MBNL2: variants seen among roughly 807,000 people sequenced by gnomAD.
MBNL2 encodes muscleblind-like protein 2.
In MBNL2, 17 loss-of-function variants were observed where a neutral mutation model predicts 41.9. The observed-to-expected ratio is 0.41, with a 90% confidence interval of 0.28 to 0.61. The LOEUF (loss-of-function observed/expected upper bound fraction) is 0.61. Ranked by LOEUF, MBNL2 falls within the 20% of genes least tolerant of loss-of-function variation. MBNL2 has a pLI of 0.35. For missense variants in MBNL2, 336 were observed against 505.6 expected (o/e 0.66, Z 3.22); for synonymous variants, 195 against 182.9 (o/e 1.07, Z -0.53).
intron 1 of MBNL2, among the ~76,000 whole-genome samples, chr13:97,269,364 A>G (rs1398455374): frequency 6.6e-6 from 1 of 152,196 alleles, no homozygotes; most frequent in Non-Finnish European, 1.5e-5. Context: ...ATGCCGTTAT[A>G]CATGGAATCT....
the MBNL2 span, among the ~76,000 whole-genome samples, chr13:97,164,019 T>G: frequency 6.6e-6 from 1 of 152,180 alleles, no homozygotes; most frequent in Non-Finnish European, 1.5e-5. Flanking sequence ...ACTTTTTTCT[T>G]TTTCTGAAAC....
chr13:97,145,969 C>A, the MBNL2 span, among the ~76,000 whole-genome samples: 1 of 129,016 alleles, frequency 7.8e-6, no homozygotes, highest in Non-Finnish European at 1.5e-5. Flanking sequence ...CTTTTCTTTT[C>A]TTTTCTTTTC....
At position 97,391,424 on chromosome 13, in the gene MBNL2, T is replaced by C. The variant is rs1426449422; in HGVS notation, c.1151T>C (p.Ile384Thr). The change falls in exon 9 of 9, where the codon ATA becomes ACA. Residue 384 changes from isoleucine to threonine, a missense_variant. Transcript: ENST00000679496. The part of the protein sequence containing the change: ...YCTYYPVSSS[I>T]ELPQTAC ...ACATACTATCCTGTTTCCTCCTCAA[T>C]AGAATTGCCACAAACTGCATGCTAA... 8 of 1,465,494 alleles carry C rather than the reference T, an allele frequency of 5.5e-6. No homozygotes were observed. The East Asian group carries it at 9.1e-5, about 17-fold the overall frequency. 90.8% of individuals were successfully genotyped at this position (1,465,494 alleles called of 1,614,324 possible).
chr13:97,153,042 T>G, the MBNL2 span, among the ~76,000 whole-genome samples: 13 of 152,202 alleles, frequency 8.5e-5, no homozygotes, highest in African/African-American at 2.9e-4. Flanking sequence ...AGATTTACAT[T>G]TCTGGTAAAG....
chr13:97,187,394 C>G, the MBNL2 span, among the ~76,000 whole-genome samples: 1 of 151,586 alleles, frequency 6.6e-6, no homozygotes, highest in African/African-American at 2.4e-5. Context: ...CACTCAAAGG[C>G]TTTTGTCTGT....
At chr13:97,213,122 T>A in the MBNL2 span, among the ~76,000 whole-genome samples, 1 of 152,162 alleles carries the variant, frequency 6.6e-6, no homozygotes. Flanking sequence ...ATGCCTCAAG[T>A]TAGTAAAGCT....
At chr13:97,246,705 T>G (rs1309307952) in intron 1 of MBNL2, among the ~76,000 whole-genome samples, 1 of 152,178 alleles carries the variant, frequency 6.6e-6, no homozygotes, top group African/African-American at 2.4e-5. Flanking sequence ...TTAATTTCTC[T>G]TGCTGAATTT....
chr13:97,162,054 G>A, the MBNL2 span, among the ~76,000 whole-genome samples: 1 of 152,290 alleles, frequency 6.6e-6, no homozygotes, highest in Admixed American at 6.5e-5. Context: ...ATGGAGGACA[G>A]CAAAGAGGAA....
chr13:97,179,109 T>A, the MBNL2 span, among the ~76,000 whole-genome samples: 1 of 152,056 alleles, frequency 6.6e-6, no homozygotes, highest in Non-Finnish European at 1.5e-5. Flanking sequence ...TCAACATGGA[T>A]CAGTCTCTCC....
At chr13:97,376,043 A>C (rs1302848234) in intron 8 of MBNL2, among the ~76,000 whole-genome samples, 2 of 152,200 alleles carry the variant, frequency 1.3e-5, no homozygotes, top group African/African-American at 4.8e-5. Context: ...AGAGGCTTGG[A>C]AACTCAAACC....
At chr13:97,159,375 T>G in the MBNL2 span, among the ~76,000 whole-genome samples, 1 of 152,072 alleles carries the variant, frequency 6.6e-6, no homozygotes, top group Non-Finnish European at 1.5e-5. Context: ...GTCTTTTAAT[T>G]GGAGCATTTA....
the MBNL2 span, among the ~76,000 whole-genome samples, chr13:97,195,295 C>T: frequency 1.3e-5 from 2 of 152,098 alleles, no homozygotes; most frequent in African/African-American, 4.8e-5. Context: ...CAGCCCACCC[C>T]AAGGGTGCCA....
chr13:97,215,903 TTGATAA>T, the MBNL2 span, among the ~76,000 whole-genome samples: 2 of 152,188 alleles, frequency 1.3e-5, no homozygotes, highest in Non-Finnish European at 2.9e-5. Context: ...TATGATGATG[TTGATAA>T]TGATAATAGT....
chr13:97,200,956 A>G, the MBNL2 span, among the ~76,000 whole-genome samples: 362 of 152,264 alleles, frequency 2.4e-3, 2 homozygotes, highest in African/African-American at 8.4e-3. Context: ...TGTTTATGAA[A>G]GTTCATTTCT....
At chr13:97,211,514 C>T in the MBNL2 span, among the ~76,000 whole-genome samples, 1 of 152,198 alleles carries the variant, frequency 6.6e-6, no homozygotes, top group Non-Finnish European at 1.5e-5. Context: ...ATGGTTATTT[C>T]TTCCTTTTTC....
chr13:97,159,514 T>C, the MBNL2 span, among the ~76,000 whole-genome samples: 7 of 152,212 alleles, frequency 4.6e-5, no homozygotes, highest in South Asian at 1.5e-3. Context: ...CATTTTGGCA[T>C]GATTTTGCAG....
At chr13:97,253,345 C>T (rs181822622) in intron 1 of MBNL2, among the ~76,000 whole-genome samples, 2 of 152,278 alleles carry the variant, frequency 1.3e-5, no homozygotes, top group Non-Finnish European at 2.9e-5. Context: ...GAATCTCATC[C>T]TAGCCTTATT....
intron 3 of MBNL2, among the ~76,000 whole-genome samples, chr13:97,340,508 A>C (rs1658069614): frequency 6.6e-6 from 1 of 152,214 alleles, no homozygotes; most frequent in Non-Finnish European, 1.5e-5. Context: ...TGATTTTTAC[A>C]GTATTAATGA....
At chr13:97,269,809 C>T (rs759195281) in intron 1 of MBNL2, among the ~76,000 whole-genome samples, 74 of 152,086 alleles carry the variant, frequency 4.9e-4, no homozygotes, top group Non-Finnish European at 9.0e-4. Context: ...GATCTCTAGG[C>T]ACCTCCCTGC....
Sources: allele counts gnomAD v4.1 joint callset (sites outside exome capture counted in the v4.1 genomes callset), GRCh38; gene constraint gnomAD v4.1.1; transcripts MANE v1.5; gene names NCBI Gene and HGNC (gene_info 2026-07-23, HGNC 2026-07-21).